Variants in MEIS1 observed in about 807,000 individuals in gnomAD.
The protein encoded by MEIS1 is Meis homeobox 1, also known as homeobox protein Meis1.
In MEIS1, 5 loss-of-function variants were observed where a neutral mutation model predicts 50.8. The ratio of observed to expected loss-of-function variants is 0.10; its 90% CI spans 0.05 to 0.21. The LOEUF (loss-of-function observed/expected upper bound fraction) is 0.21. Ranked by LOEUF, MEIS1 falls within the 10% of genes least tolerant of loss-of-function variation. MEIS1 has a pLI of 1.00. For synonymous variants in MEIS1, 176 were observed against 179.3 expected, an observed-to-expected ratio of 0.98 and a Z score of 0.15; for missense variants, 318 against 517.3, an observed-to-expected ratio of 0.61 and a Z score of 3.74.
intron 7 of MEIS1, among the ~76,000 whole-genome samples, chr2:66,494,716 A>G (rs1673355882): frequency 6.6e-6 from 1 of 152,202 alleles, no homozygotes; most frequent in Non-Finnish European, 1.5e-5. Flanking sequence ...GAACTTTCAC[A>G]TATATGATCT....
chr2:66,545,638 A>G (rs1674772060), intron 8 of MEIS1, among the ~76,000 whole-genome samples: 1 of 152,178 alleles, frequency 6.6e-6, no homozygotes, highest in Admixed American at 6.5e-5. Flanking sequence ...TCAGCATTCT[A>G]TCCATGGGAT....
chr2:66,499,989 C>T (rs1250935739), intron 7 of MEIS1, among the ~76,000 whole-genome samples: 1 of 152,080 alleles, frequency 6.6e-6, no homozygotes, highest in Non-Finnish European at 1.5e-5. Context: ...GCTAAAAGGG[C>T]CTTGTGTGCA....
In MEIS1 at chr2:66,568,654, T is replaced by C. The variant is rs766834484; in HGVS notation, c.1025-13T>C. On this transcript the variant is annotated splice_polypyrimidine_tract_variant and intron_variant, in intron 10 of 12. Transcript: ENST00000272369. ...AGACTGTTATTAAAAAACCACATTC[T>C]GTACTTTTGTAGTAAGTCAAGGAAC... 6.2e-7 allele frequency: 1 copy of C among 1,609,688 alleles called. No homozygotes were observed.
At chr2:66,566,922 A>C (rs1421442802) in intron 9 of MEIS1, among the ~76,000 whole-genome samples, 1 of 152,078 alleles carries the variant, frequency 6.6e-6, no homozygotes, top group Non-Finnish European at 1.5e-5. Context: ...AACTCCAGAC[A>C]TTCTCTCATT....
intron 9 of MEIS1, among the ~76,000 whole-genome samples, chr2:66,550,174 T>C (rs1326894780): frequency 1.3e-5 from 2 of 152,242 alleles, no homozygotes; most frequent in East Asian, 3.8e-4. Context: ...TAGCTTTTAA[T>C]TAGTTATTTG....
In MEIS1 at chr2:66,440,825, G is replaced by A. The variant is rs1162933408; in HGVS notation, c.432+213G>A. On this transcript the variant is annotated intron_variant, in intron 4 of 12. Transcript: ENST00000272369. Reference sequence around the variant, plus strand: ...CGAGAGGGGCCGGGCGAGCCAGCGCGGGGAAACGCGAGCTTTTGTTTTTTA... The same window carrying A: ...CGAGAGGGGCCGGGCGAGCCAGCGCAGGGAAACGCGAGCTTTTGTTTTTTA... The A allele has an allele frequency of 1.4e-5, 8 of 572,638 alleles. No individual in the cohort carries two copies. In the East Asian group the frequency reaches 2.0e-4, roughly 15 times the overall value. 35.5% of individuals were successfully genotyped at this position (572,638 alleles called of 1,614,324 possible).
intron 7 of MEIS1, among the ~76,000 whole-genome samples, chr2:66,477,567 C>G (rs1672922858): frequency 1.3e-5 from 2 of 152,182 alleles, no homozygotes; most frequent in Admixed American, 1.3e-4. Flanking sequence ...GCACTGCTTT[C>G]CCTCAAAGAA....
At chr2:66,536,764 A>C (rs1189699106) in intron 8 of MEIS1, among the ~76,000 whole-genome samples, 1 of 152,222 alleles carries the variant, frequency 6.6e-6, no homozygotes, top group Non-Finnish European at 1.5e-5. Context: ...TATACATACC[A>C]GTTCTTTTAT....
chr2:66,512,363 G>A (rs1572867368), intron 8 of MEIS1, 69 bp downstream of exon 8: 3 of 1,482,344 alleles, frequency 2.0e-6, no homozygotes, highest in Admixed American at 5.1e-5. Flanking sequence ...ACAAAAAAAT[G>A]AGAAAAAAGT....
chr2:66,444,399 A>C (rs1212492767), intron 6 of MEIS1, among the ~76,000 whole-genome samples: 1 of 152,140 alleles, frequency 6.6e-6, no homozygotes, highest in Admixed American at 6.5e-5. Context: ...TTCTCTCAAC[A>C]TCATCCTCTT....
intron 8 of MEIS1, among the ~76,000 whole-genome samples, chr2:66,516,720 A>G (rs1213727527): frequency 6.6e-6 from 1 of 152,126 alleles, no homozygotes; most frequent in East Asian, 1.9e-4. Context: ...CCATAGTAAC[A>G]CTATTAGATG....
intron 7 of MEIS1, among the ~76,000 whole-genome samples, chr2:66,473,547 A>G (rs1014166179): frequency 1.3e-5 from 2 of 151,860 alleles, no homozygotes; most frequent in Admixed American, 6.6e-5. Context: ...CTATATTGTG[A>G]TATGCAAATA....
At chr2:66,459,666 G>T (rs1325036617) in intron 6 of MEIS1, among the ~76,000 whole-genome samples, 1 of 152,082 alleles carries the variant, frequency 6.6e-6, no homozygotes, top group African/African-American at 2.4e-5. Flanking sequence ...GACAAGATTT[G>T]GTGACTGATT....
intron 5 of MEIS1, chr2:66,442,698 G>C (rs1672025500): frequency 2.0e-6 from 1 of 508,916 alleles, no homozygotes; most frequent in Non-Finnish European, 3.4e-6. Flanking sequence ...TCTTGTCACT[G>C]TCAATTTTCT....
At chr2:66,475,294 T>A (rs1030251728) in intron 7 of MEIS1, among the ~76,000 whole-genome samples, 1 of 146,712 alleles carries the variant, frequency 6.8e-6, no homozygotes, top group Non-Finnish European at 1.5e-5. Context: ...AAATATAAAA[T>A]AAATTTATAT....
At chr2:66,461,880 GA>G in intron 6 of MEIS1, 1 of 470,604 alleles carries the variant, frequency 2.1e-6, no homozygotes. Context: ...AAATGGTGAT[GA>G]AAAAAGGTAG....
At chr2:66,501,493 G>T (rs1363951665) in intron 7 of MEIS1, among the ~76,000 whole-genome samples, 1 of 149,474 alleles carries the variant, frequency 6.7e-6, no homozygotes, top group African/African-American at 2.5e-5. Context: ...AGTAAAATCT[G>T]TGTTTTTTTT....
intron 9 of MEIS1, among the ~76,000 whole-genome samples, chr2:66,563,817 C>G (rs906456705): frequency 6.6e-6 from 1 of 152,136 alleles, no homozygotes; most frequent in Non-Finnish European, 1.5e-5. Context: ...CTAAACATGG[C>G]TCTGCTGTGT....
At chr2:66,448,891 A>G (rs1459545410) in intron 6 of MEIS1, among the ~76,000 whole-genome samples, 2 of 152,148 alleles carry the variant, frequency 1.3e-5, no homozygotes, top group East Asian at 3.8e-4. Context: ...GTAAACTGAT[A>G]CAGCTCTCAG....
Sources: allele counts gnomAD v4.1 joint callset (sites outside exome capture counted in the v4.1 genomes callset), GRCh38; gene constraint gnomAD v4.1.1; transcripts MANE v1.5; gene names NCBI Gene and HGNC (gene_info 2026-07-23, HGNC 2026-07-21).